The following BRWD3 variants were observed in gnomAD, a reference collection of about 807,000 sequenced individuals.
BRWD3 encodes the protein bromodomain and WD repeat-containing protein 3.
A neutral mutation model predicts 149.7 loss-of-function variants in BRWD3; 10 were observed. The observed-to-expected ratio is 0.07, with a 90% CI of 0.04 to 0.11. The LOEUF (loss-of-function observed/expected upper bound fraction) is 0.11. Among genes scored for constraint, BRWD3 ranks in the 10% least tolerant of loss-of-function variants. The pLI, the probability that BRWD3 is intolerant of heterozygous loss-of-function variation, is 1.00. For synonymous variants in BRWD3, 504 were observed against 456.7 expected, an observed-to-expected ratio of 1.10 and a Z score of -1.32; for missense variants, 940 against 1,373.2, an observed-to-expected ratio of 0.68 and a Z score of 4.99.
chrX:80,741,245 C>T lies in BRWD3; in HGVS notation c.813+2787G>A, dbSNP rs1274272212. Among the ~76,000 whole-genome samples, 9 of 111,863 alleles carry T rather than the reference C, an allele frequency of 8.0e-5. 1 individual carries two copies. The highest frequency in any genetic ancestry group is 1.9e-5 in the Non-Finnish European group (1 of 53,177). On this transcript the variant is annotated intron_variant, in intron 8 of 40. Transcript: ENST00000373275. ...CCCTGCAAAGGACATGAACTCATCA[C>T]TTTGTATGGCTGCATAGTATTCCAT...
At position 80,809,718 on chromosome X, in the gene BRWD3, AGTGAGAGAGAGAGAGAGAAG is replaced by A; in HGVS notation, c.-267_-248del. 3.7e-6 allele frequency: 1 copy of A among 271,457 alleles called. No individual in the cohort carries two copies. The highest frequency in any genetic ancestry group is 6.5e-6 in the Non-Finnish European group (1 of 154,008). 22.4% of individuals were successfully genotyped at this position (271,457 alleles called of 1,213,427 possible). On this transcript the variant is annotated 5_prime_UTR_variant, in exon 1 of 41. Coordinates refer to ENST00000373275, the MANE Select transcript of BRWD3 (RefSeq NM_153252.5). ...GGGAGAGGGAGAGAGAGAGTGAGTG[AGTGAGAGAGAGAGAGAGAAG>A]AGAGAGAGAGAGAGAGGAAAAAGAG...
chrX:80,677,357 G>A lies in BRWD3; in HGVS notation c.4661C>T (p.Ser1554Phe), dbSNP rs1340083420. Residue 1554 changes from serine to phenylalanine, a missense_variant, in exon 41 of 41, where the codon TCC (serine) becomes TTC (phenylalanine). Coordinates refer to ENST00000373275, the MANE Select transcript of BRWD3 (RefSeq NM_153252.5). Reference protein sequence around the residue: ...NRVLPVKQDHSLDGPLTNGDG... With the variant: ...NRVLPVKQDHFLDGPLTNGDG... Reference sequence around the variant, plus strand: ...ACCATTTGTAAGGGGTCCATCAAGGGAGTGATCTAAATTAAAATGAATGAT... The same window carrying A: ...ACCATTTGTAAGGGGTCCATCAAGGAAGTGATCTAAATTAAAATGAATGAT... 5.0e-6 allele frequency: 6 copies of A among 1,195,549 alleles called. No homozygotes were observed. Among genetic ancestry groups the A allele is most frequent in the Non-Finnish European group, 6.8e-6 (6 of 888,345 alleles).
chrX:80,794,840 T>C (rs2074220704), intron 4 of BRWD3, among the ~76,000 whole-genome samples: 1 of 111,384 alleles, frequency 9.0e-6, no homozygotes, highest in Non-Finnish European at 1.9e-5. Context: ...ATTACTTGAT[T>C]CATTCAGTAG....
At chrX:80,764,413 C>G (rs1403733387) in intron 6 of BRWD3, among the ~76,000 whole-genome samples, 1 of 111,181 alleles carries the variant, frequency 9.0e-6, no homozygotes. Flanking sequence ...TCAAGTGATT[C>G]TCCTGCCTCT....
In BRWD3 at chrX:80,809,689, G is replaced by C. The variant is rs945465592; in HGVS notation, c.-218C>G. On this transcript the variant is annotated 5_prime_UTR_variant, in exon 1 of 41. Coordinates refer to ENST00000373275, the MANE Select transcript of BRWD3 (RefSeq NM_153252.5). ...TGAGGAGGCGGAGGAGGAAGGAGAG[G>C]AGAGGGAGAGGGAGAGAGAGAGTGA... 2.5e-6 allele frequency: 1 copy of C among 402,322 alleles called. No individual in the cohort carries two copies. Among genetic ancestry groups the C allele is most frequent in the Non-Finnish European group, 4.3e-6 (1 of 233,930 alleles). The allele number at this position is 402,322 out of a possible 1,213,427, so 33.2% of individuals were successfully genotyped here.
At chrX:80,809,144 G>T in intron 2 of BRWD3, 102 bp from the exon 3 acceptor site, 1 of 1,144,615 alleles carries the variant, frequency 8.7e-7, no homozygotes, top group Non-Finnish European at 1.2e-6. Flanking sequence ...ACTAGTCAAG[G>T]CCGGCCTTTC....
intron 6 of BRWD3, among the ~76,000 whole-genome samples, chrX:80,767,092 TAAAC>T: frequency 8.9e-6 from 1 of 111,894 alleles, no homozygotes; most frequent in South Asian, 3.7e-4. Flanking sequence ...CTTAAGTAGG[TAAAC>T]AAAGCCACAG....
chrX:80,682,526 G>A lies in BRWD3; in HGVS notation c.4336C>T (p.Pro1446Ser). ...CTTCTTAGACGTTTTCTGTACCGTG[G>A]CCTTCTCCTCTTCTGACTCTGGATT... is the stretch of plus-strand genomic sequence containing the variant. ...SAIQSQKRRR[P>S]RYRKRLRSSS... The change falls in exon 38 of 41, where the codon CCA (proline) becomes TCA (serine). Residue 1446 changes from proline to serine, a missense_variant. Pro to Ser is a moderately conservative substitution (Grantham distance 74). Transcript: ENST00000373275. 1 of 1,209,606 alleles carries A rather than the reference G, an allele frequency of 8.3e-7. No homozygotes were observed. Among genetic ancestry groups the A allele is most frequent in the Middle Eastern group, 2.3e-4 (1 of 4,343 alleles).
At chrX:80,735,263 C>T (rs2073386817) in intron 9 of BRWD3, 66 bp from the exon 10 acceptor site, 2 of 852,761 alleles carry the variant, frequency 2.3e-6, no homozygotes, top group African/African-American at 4.0e-5. Flanking sequence ...AATGTTAGCG[C>T]ACTACTGGAT....
chrX:80,793,744 T>G lies in BRWD3; in HGVS notation c.209A>C (p.Asp70Ala). ...TCTCTCACAAATTTTAAGGAGGTAG[T>G]CTGGAGGAATGTGTGCATTTGCTGC... is the stretch of plus-strand genomic sequence containing the variant. ...LVAANAHIPP[D>A]YLLKICERIG... is the part of the protein sequence containing the mutation. Residue 70 changes from aspartate to alanine, a missense_variant, in exon 5 of 41, where the codon GAC (aspartate) becomes GCC (alanine). Around this residue, in one of 6 missense-constraint regions of BRWD3, gnomAD observed 105 missense variants for 127.7 expected, o/e 0.82. Transcript: ENST00000373275. 1 of 1,209,034 alleles carries G rather than the reference T, an allele frequency of 8.3e-7. No homozygotes were observed. The highest frequency in any genetic ancestry group is 1.1e-6 in the Non-Finnish European group (1 of 893,089).
intron 27 of BRWD3, among the ~76,000 whole-genome samples, chrX:80,694,411 GCCTA>G (rs963720242): frequency 9.0e-6 from 1 of 111,719 alleles, no homozygotes; most frequent in African/African-American, 3.3e-5. Flanking sequence ...CTGGGGTACT[GCCTA>G]GTAGAGTTGT....
At chrX:80,801,372 C>T (rs2074295851) in intron 4 of BRWD3, among the ~76,000 whole-genome samples, 1 of 106,137 alleles carries the variant, frequency 9.4e-6, no homozygotes. Context: ...AGGCGCCTGC[C>T]ACCGCGCCTA....
intron 24 of BRWD3, among the ~76,000 whole-genome samples, chrX:80,702,502 G>A (rs947374504): frequency 8.9e-6 from 1 of 112,261 alleles, no homozygotes; most frequent in East Asian, 2.8e-4. Context: ...TTTGATATAT[G>A]CCAATAAAAT....
At chrX:80,802,115 T>C (rs894182288) in intron 4 of BRWD3, among the ~76,000 whole-genome samples, 1 of 112,146 alleles carries the variant, frequency 8.9e-6, no homozygotes, top group Middle Eastern at 4.6e-3. Context: ...ATTCTTTTTT[T>C]ATAGTACTGT....
intron 4 of BRWD3, among the ~76,000 whole-genome samples, chrX:80,802,781 C>A (rs1360813452): frequency 9.0e-5 from 10 of 110,710 alleles, no homozygotes; most frequent in Admixed American, 6.8e-4. Context: ...ATATTAGGGT[C>A]TTTTCTACTA....
chrX:80,734,365 GA>G (rs1569266870), intron 10 of BRWD3, 147 bp from the exon 11 acceptor site: 1 of 458,384 alleles, frequency 2.2e-6, no homozygotes, highest in African/African-American at 2.5e-5. Context: ...ACATACTAGC[GA>G]TTTAGAGAAA....
At position 80,676,402 on chromosome X, in the gene BRWD3, A is replaced by G; in HGVS notation, c.*207T>C. ...GTGTGTGTGGGCAGAATTTCTTTTA[A>G]TTTAAGGCCTAATGAGTAAGGCTTA... On this transcript the variant is annotated 3_prime_UTR_variant, in exon 41 of 41. Transcript: ENST00000373275. The G allele has an allele frequency of 2.1e-6, 1 of 468,887 alleles. No individual in the cohort carries two copies. 38.6% of individuals were successfully genotyped at this position (468,887 alleles called of 1,213,427 possible). A position where few individuals can be genotyped will look rare whatever the true frequency, so the allele number is the denominator to read the frequency against.
intron 20 of BRWD3, among the ~76,000 whole-genome samples, chrX:80,711,161 CTT>C (rs1049696916): frequency 1.8e-5 from 2 of 111,644 alleles, no homozygotes; most frequent in Admixed American, 1.9e-4. Flanking sequence ...ATCTAGAAAA[CTT>C]TTTTAAAGTG....
chrX:80,784,008 G>T (rs1453290481), intron 6 of BRWD3, among the ~76,000 whole-genome samples: 1 of 111,527 alleles, frequency 9.0e-6, no homozygotes, highest in Non-Finnish European at 1.9e-5. Flanking sequence ...TCTAGTATTT[G>T]ATAGTACAAC....
Sources: allele counts gnomAD v4.1 joint callset (sites outside exome capture counted in the v4.1 genomes callset), GRCh38; gene constraint gnomAD v4.1.1; regional missense constraint gnomAD v4.1.1; transcripts MANE v1.5; gene names NCBI Gene and HGNC (gene_info 2026-07-23, HGNC 2026-07-21).